Variants in EDA observed in about 807,000 individuals in gnomAD.
EDA encodes ectodysplasin-A.
In EDA, 2 loss-of-function variants were observed where a neutral mutation model predicts 23.6. The observed-to-expected ratio is 0.08, with a 90% confidence interval of 0.03 to 0.27. The LOEUF (loss-of-function observed/expected upper bound fraction) is 0.27, where lower values mean the gene tolerates loss of function less well. Ranked by LOEUF, EDA falls within the 10% of genes least tolerant of loss-of-function variation. EDA has a pLI of 1.00. For missense variants in EDA, 229 were observed against 324.2 expected, an observed-to-expected ratio of 0.71 and a Z score of 2.26; for synonymous variants, 131 against 132.0, an observed-to-expected ratio of 0.99 and a Z score of 0.05.
At chrX:69,787,661 G>A (rs1008827428) in intron 1 of EDA, among the ~76,000 whole-genome samples, 11 of 111,526 alleles carry the variant, frequency 9.9e-5, no homozygotes, top group Non-Finnish European at 1.3e-4. Context: ...CGAGAGATCC[G>A]TTGTTAGCCT....
At chrX:70,027,721 G>T in intron 3 of EDA, 136 bp from the exon 4 acceptor site, 1 of 459,128 alleles carries the variant, frequency 2.2e-6, no homozygotes, top group Non-Finnish European at 3.9e-6. Context: ...TACTCCAGAG[G>T]CTGAGGCAGG....
At chrX:69,758,436 G>C in intron 1 of EDA, among the ~76,000 whole-genome samples, 2 of 112,404 alleles carry the variant, frequency 1.8e-5, no homozygotes, top group East Asian at 5.6e-4. Flanking sequence ...GATTATCTTA[G>C]TGTGCTTGCT....
chrX:69,632,340 C>T (rs1294961480), intron 1 of EDA, among the ~76,000 whole-genome samples: 1 of 111,881 alleles, frequency 8.9e-6, no homozygotes, highest in African/African-American at 3.3e-5. Context: ...CTTGCAATTA[C>T]CTCAAGTCTC....
At chrX:69,898,297 G>A (rs1349476565) in intron 1 of EDA, among the ~76,000 whole-genome samples, 2 of 111,804 alleles carry the variant, frequency 1.8e-5, no homozygotes, top group Non-Finnish European at 3.8e-5. Context: ...TTGAGGTTGG[G>A]CATGGTGGCT....
intron 2 of EDA, among the ~76,000 whole-genome samples, chrX:69,988,311 A>G (rs1003381595): frequency 3.6e-5 from 4 of 112,014 alleles, no homozygotes; most frequent in Non-Finnish European, 7.5e-5. Context: ...AAAAATAGTT[A>G]GAAGAATAAG....
intron 1 of EDA, among the ~76,000 whole-genome samples, chrX:69,630,096 G>T (rs1232004635): frequency 2.7e-5 from 3 of 111,198 alleles, no homozygotes; most frequent in Non-Finnish European, 3.8e-5. Flanking sequence ...AAAATATGCC[G>T]GTGTTCCAAA....
At chrX:69,645,884 G>A (rs185204160) in intron 1 of EDA, among the ~76,000 whole-genome samples, 6 of 109,727 alleles carry the variant, frequency 5.5e-5, no homozygotes, top group East Asian at 2.9e-4. Flanking sequence ...ATTCTGGTAC[G>A]TTGTCTCTTT....
intron 1 of EDA, among the ~76,000 whole-genome samples, chrX:69,813,816 T>TA (rs11462972): frequency 0.45 from 45,968 of 101,881 alleles, 8,395 homozygotes; most frequent in East Asian, 0.72. Context: ...ATGCTGCATT[T>TA]AAAAAAAAAA....
At chrX:69,875,495 G>C (rs942995603) in intron 1 of EDA, among the ~76,000 whole-genome samples, 2 of 111,695 alleles carry the variant, frequency 1.8e-5, no homozygotes, top group African/African-American at 6.5e-5. Context: ...GATGGATCAA[G>C]GACTTAGAAA....
intron 1 of EDA, among the ~76,000 whole-genome samples, chrX:69,758,762 G>C (rs5980847): frequency 0.041 from 4,658 of 112,291 alleles, 227 homozygotes; most frequent in African/African-American, 0.14. Flanking sequence ...CTTGAGCCCG[G>C]GAGGTGTAGG....
At chrX:70,023,308 A>G in intron 3 of EDA, 67 bp downstream of exon 3, 3 of 754,645 alleles carry the variant, frequency 4.0e-6, no homozygotes, top group Non-Finnish European at 6.0e-6. Context: ...GAAAAAAATC[A>G]AGAGTGCGAT....
chrX:69,769,681 G>A (rs187320107), intron 1 of EDA, among the ~76,000 whole-genome samples: 169 of 110,916 alleles, frequency 1.5e-3, no homozygotes, highest in African/African-American at 5.4e-3. Context: ...TTATCTCTTA[G>A]TATGTTAGGG....
chrX:69,961,040 A>G (rs1016094390), intron 2 of EDA, among the ~76,000 whole-genome samples: 1 of 110,739 alleles, frequency 9.0e-6, no homozygotes, highest in African/African-American at 3.3e-5. Context: ...AAAAAGAAAG[A>G]AAGAAAGAAA....
chrX:69,799,128 T>C (rs907706248), intron 1 of EDA, among the ~76,000 whole-genome samples: 3 of 111,415 alleles, frequency 2.7e-5, no homozygotes, highest in Non-Finnish European at 5.7e-5. Context: ...CTGGGAAATC[T>C]GGATAAATAT....
At chrX:69,935,582 C>G (rs6624448) in intron 1 of EDA, among the ~76,000 whole-genome samples, 1 of 111,214 alleles carries the variant, frequency 9.0e-6, no homozygotes, top group Admixed American at 9.6e-5. Context: ...AGTTACAGCA[C>G]TGTAATATCA....
chrX:69,816,633 G>A lies in EDA; in HGVS notation c.397-140394G>A, dbSNP rs775455860. Among the ~76,000 whole-genome samples, 148 of 111,063 alleles carry A rather than the reference G, an allele frequency of 1.3e-3. 1 individual carries two copies. Among genetic ancestry groups the A allele is most frequent in the Middle Eastern group, 4.6e-3 (1 of 217 alleles). ...AGACTATCTTTCTGAAATAAGGCAGGCAGACAAGAATAGAGGAAAAAGAAT... is the reference window on the plus strand; with the variant it reads ...AGACTATCTTTCTGAAATAAGGCAGACAGACAAGAATAGAGGAAAAAGAAT... On this transcript the variant is annotated intron_variant, in intron 1 of 7. Coordinates refer to ENST00000374552, the MANE Select transcript of EDA (RefSeq NM_001399.5).
chrX:69,662,735 G>A (rs992562158), intron 1 of EDA, among the ~76,000 whole-genome samples: 1 of 112,157 alleles, frequency 8.9e-6, no homozygotes, highest in Non-Finnish European at 1.9e-5. Flanking sequence ...CTAGAGACTT[G>A]TTGAATGGCT....
At chrX:69,762,120 G>A (rs775972434) in intron 1 of EDA, among the ~76,000 whole-genome samples, 1 of 111,290 alleles carries the variant, frequency 9.0e-6, no homozygotes, top group East Asian at 2.8e-4. Context: ...ATGTAACCTT[G>A]GCCAATACTT....
In EDA at chrX:69,929,191, T is replaced by C. The variant is rs1370652674; in HGVS notation, c.397-27836T>C. The stretch of plus-strand genomic sequence containing the variant: ...CCATTAGTACAAGTAAAAATGAATA[T>C]TGTGACTGGCAAGTGCTCAAGGATT... On this transcript the variant is annotated intron_variant, in intron 1 of 7. Coordinates refer to ENST00000374552, the MANE Select transcript of EDA (RefSeq NM_001399.5). Among the ~76,000 whole-genome samples the C allele has an allele frequency of 3.6e-5, 4 of 111,404 alleles. No individual in the cohort carries two copies. In the East Asian group the frequency reaches 1.1e-3, roughly 31 times the overall value.
Sources: gnomAD v4.1 joint callset for allele counts (sites outside exome capture counted in the v4.1 genomes callset) on GRCh38, gnomAD v4.1.1 for gene constraint, MANE v1.5 for transcripts, NCBI Gene and HGNC (gene_info 2026-07-23, HGNC 2026-07-21) for gene names.